OSBPL9: variants seen among roughly 807,000 people sequenced by gnomAD.
OSBPL9 encodes oxysterol-binding protein-related protein 9.
In OSBPL9, 40 loss-of-function variants were observed where a neutral mutation model predicts 106.6. The observed-to-expected ratio is 0.38, with a 90% confidence interval of 0.29 to 0.49. The LOEUF (loss-of-function observed/expected upper bound fraction) is 0.49. Ranked by LOEUF, OSBPL9 falls within the 20% of genes least tolerant of loss-of-function variation. The pLI is 0.97. For synonymous variants in OSBPL9, 269 were observed against 295.4 expected, an observed-to-expected ratio of 0.91 and a Z score of 0.92; for missense variants, 609 against 887.2, an observed-to-expected ratio of 0.69 and a Z score of 3.98.
rs769929958 is a variant in OSBPL9, at chr1:51,787,757, T to G, written c.2179T>G (p.Leu727Val). 1 of 1,613,572 alleles carries G rather than the reference T, an allele frequency of 6.2e-7. No individual in the cohort carries two copies. The highest frequency in any genetic ancestry group is 1.1e-5 in the South Asian group (1 of 91,062). The change falls in exon 24 of 24, where the codon TTA (leucine) becomes GTA (valine). Residue 727 changes from leucine to valine, a missense_variant. Around this residue, in one of 5 missense-constraint regions of OSBPL9, gnomAD observed 132 missense variants for 158.1 expected, o/e 0.83. Coordinates refer to ENST00000428468, the MANE Select transcript of OSBPL9 (RefSeq NM_024586.6). ...DGECWVYDEPLLKRLGAAKH is the reference protein window; with the variant it reads ...DGECWVYDEPVLKRLGAAKH ...AGAATGCTGGGTTTATGATGAACCA[T>G]TACTGAAACGTCTTGGTGCTGCCAA...
In OSBPL9 at chr1:51,729,804, G is replaced by C; in HGVS notation, c.318+15725G>C. On this transcript the variant is annotated intron_variant, in intron 4 of 23. Coordinates refer to ENST00000428468, the MANE Select transcript of OSBPL9 (RefSeq NM_024586.6). This position sits in a 1 kb window ranked among gnomAD's most constrained non-coding sequence, Gnocchi z 5.1. The stretch of plus-strand genomic sequence containing the variant: ...CTCCGCCGGGGAGGGGACGGGAAAG[G>C]GGTGGGGGGTGAAGGGGGTGAAGGG... 8.1e-7 allele frequency: 1 copy of C among 1,238,906 alleles called. No individual in the cohort carries two copies. The highest frequency in any genetic ancestry group is 3.2e-5 in the East Asian group (1 of 31,622). The allele number at this position is 1,238,906 out of a possible 1,614,324, so 76.7% of individuals were successfully genotyped here.
Position 51,788,533 on chromosome 1 carries a change from C to T in OSBPL9, c.*744C>T, listed in dbSNP as rs1310069582. 1 of 152,400 alleles carries T rather than the reference C, an allele frequency of 6.6e-6. No homozygotes were observed. The highest frequency in any genetic ancestry group is 2.1e-4 in the South Asian group (1 of 4,832). 9.4% of individuals were successfully genotyped at this position (152,400 alleles called of 1,614,324 possible). A position where few individuals can be genotyped will look rare whatever the true frequency, so the allele number is the denominator to read the frequency against. Reference sequence around the variant, plus strand: ...GCCAATTATTTGGCAACCTTGAATACAAGAGCTAGCTTTTCAAAGAAAGAC... The same window carrying T: ...GCCAATTATTTGGCAACCTTGAATATAAGAGCTAGCTTTTCAAAGAAAGAC... On this transcript the variant is annotated 3_prime_UTR_variant, in exon 24 of 24. Coordinates refer to ENST00000428468, the MANE Select transcript of OSBPL9 (RefSeq NM_024586.6).
At chr1:51,552,714 T>C in the OSBPL9 span, among the ~76,000 whole-genome samples, 1 of 152,044 alleles carries the variant, frequency 6.6e-6, no homozygotes, top group Non-Finnish European at 1.5e-5. Context: ...AACCTCCGCC[T>C]CCCAGGTTCA....
intron 16 of OSBPL9, 98 bp downstream of exon 16, chr1:51,781,433 G>A (rs936718951): frequency 8.2e-7 from 1 of 1,218,502 alleles, no homozygotes; most frequent in African/African-American, 1.5e-5. Context: ...ATGATCAAAA[G>A]ATGGTCACCA....
At chr1:51,716,495 G>A (rs907233064) in intron 4 of OSBPL9, among the ~76,000 whole-genome samples, 2 of 152,166 alleles carry the variant, frequency 1.3e-5, no homozygotes, top group Non-Finnish European at 2.9e-5. Flanking sequence ...ACTAATATTG[G>A]ATGAGAACTG....
In OSBPL9 at chr1:51,768,773, G is replaced by T. The variant is rs143529290; in HGVS notation, c.938+2792G>T. On this transcript the variant is annotated intron_variant, in intron 12 of 23. Transcript: ENST00000428468. ...GGCAGGTCTACAAAGTCATGCACAG[G>T]CTCATGGGCTTCTTCTATTCCTGCT... is the stretch of plus-strand genomic sequence containing the variant. 8.4e-4 allele frequency among the ~76,000 whole-genome samples: 128 copies of T among 152,266 alleles called. 1 individual carries two copies. The East Asian group carries it at 0.022, about 26-fold the overall frequency.
intron 2 of OSBPL9, among the ~76,000 whole-genome samples, chr1:51,610,395 G>GGATT: frequency 6.6e-6 from 1 of 151,940 alleles, no homozygotes; most frequent in East Asian, 1.9e-4. Flanking sequence ...TGAGTAGCTG[G>GGATT]GATTATAGGC....
chr1:51,643,558 T>C (rs1645943894), intron 1 of OSBPL9, among the ~76,000 whole-genome samples: 2 of 152,106 alleles, frequency 1.3e-5, no homozygotes, highest in Admixed American at 1.3e-4. Flanking sequence ...TGGGGTATTT[T>C]GAGGTAGGCT....
chr1:51,706,103 C>G (rs1425152157), intron 3 of OSBPL9, among the ~76,000 whole-genome samples: 1 of 152,146 alleles, frequency 6.6e-6, no homozygotes. Context: ...AGTGTTCACT[C>G]TTTTTCCATT....
intron 11 of OSBPL9, among the ~76,000 whole-genome samples, chr1:51,762,572 A>G (rs1557827779): frequency 6.6e-6 from 1 of 152,226 alleles, no homozygotes; most frequent in Non-Finnish European, 1.5e-5. Context: ...CTAGACTTGC[A>G]TACTTTCTTA....
the OSBPL9 span, chr1:51,519,117 A>C: frequency 8.1e-6 from 8 of 992,934 alleles, no homozygotes; most frequent in African/African-American, 1.4e-4. Flanking sequence ...TTGGCCCACA[A>C]GCCAAGAAGT....
chr1:51,597,491 A>G (rs763934920), intron 1 of OSBPL9, among the ~76,000 whole-genome samples: 3 of 149,690 alleles, frequency 2.0e-5, no homozygotes, highest in Non-Finnish European at 3.0e-5. Flanking sequence ...GATAGATTGT[A>G]TATATATATA....
intron 12 of OSBPL9, among the ~76,000 whole-genome samples, chr1:51,768,392 T>C (rs1332620509): frequency 6.6e-6 from 1 of 151,606 alleles, no homozygotes; most frequent in Non-Finnish European, 1.5e-5. Context: ...TTTTGTACTT[T>C]TAGTAGAGGA....
intron 1 of OSBPL9, among the ~76,000 whole-genome samples, chr1:51,647,976 G>A (rs137858193): frequency 1.9e-4 from 29 of 152,254 alleles, no homozygotes; most frequent in African/African-American, 6.7e-4. Context: ...GGGTAATCCT[G>A]TTTTGTCATC....
chr1:51,744,543 G>A (rs1341763518), intron 4 of OSBPL9, among the ~76,000 whole-genome samples: 1 of 152,204 alleles, frequency 6.6e-6, no homozygotes, highest in Non-Finnish European at 1.5e-5. Context: ...ACTAAAATGA[G>A]AATGTGAAAA....
intron 2 of OSBPL9, among the ~76,000 whole-genome samples, chr1:51,610,006 C>G (rs1022491394): frequency 2.0e-5 from 3 of 151,878 alleles, no homozygotes; most frequent in African/African-American, 7.3e-5. Flanking sequence ...CTCGGCCTCC[C>G]AAAGTGCTGG....
At chr1:51,760,664 A>G in intron 9 of OSBPL9, 26 bp from the exon 10 acceptor site, 1 of 1,612,992 alleles carries the variant, frequency 6.2e-7, no homozygotes, top group Non-Finnish European at 8.5e-7. Flanking sequence ...AATTAAAAAT[A>G]GCTATATTGT....
chr1:51,782,059 G>C (rs1314575849), intron 16 of OSBPL9, among the ~76,000 whole-genome samples: 1 of 152,130 alleles, frequency 6.6e-6, no homozygotes, highest in Admixed American at 6.5e-5. Context: ...CTACAGAAGA[G>C]TAGGTAACCC....
the OSBPL9 span, among the ~76,000 whole-genome samples, chr1:51,521,080 G>A: frequency 1.2e-4 from 18 of 152,316 alleles, no homozygotes; most frequent in Admixed American, 9.2e-4. Context: ...ATGAGGTAAT[G>A]CAGGGTCACA....
Sources: allele counts gnomAD v4.1 joint callset (sites outside exome capture counted in the v4.1 genomes callset), GRCh38; gene constraint gnomAD v4.1.1; regional missense constraint gnomAD v4.1.1; non-coding constraint Gnocchi (gnomAD v3.1); transcripts MANE v1.5; gene names NCBI Gene and HGNC (gene_info 2026-07-23, HGNC 2026-07-21).